Variants in WDR37 observed in about 807,000 individuals in gnomAD.
WDR37 encodes WD repeat domain 37.
Under a neutral mutation model 62.9 loss-of-function variants are expected in WDR37, and 19 were observed. The ratio of observed to expected loss-of-function variants is 0.30; its 90% CI spans 0.21 to 0.44. The LOEUF (loss-of-function observed/expected upper bound fraction) is 0.44, where lower values mean the gene tolerates loss of function less well. WDR37 is among the 20% of genes least tolerant of loss of function. The pLI, the probability that WDR37 is intolerant of heterozygous loss-of-function variation, is 1.00. For missense variants in WDR37, 474 were observed against 657.6 expected (o/e 0.72, Z 3.05); for synonymous variants, 250 against 260.9 (o/e 0.96, Z 0.40).
intron 11 of WDR37, among the ~76,000 whole-genome samples, chr10:1,112,521 A>G (rs569681447): frequency 6.5e-4 from 99 of 152,358 alleles, no homozygotes; most frequent in African/African-American, 2.1e-3. Flanking sequence ...AAAGCTGGAA[A>G]TGACGAAGCT....
chr10:1,101,711 C>T lies in WDR37; in HGVS notation c.727-1891C>T, dbSNP rs535489202. The stretch of plus-strand genomic sequence containing the variant: ...CTCCCGGGATTACAGGAGCTGTTCC[C>T]GACTTTGCCTCCCGTAGCTGTTCCG... On this transcript the variant is annotated intron_variant, in intron 9 of 13. Coordinates refer to ENST00000263150, the MANE Select transcript of WDR37 (RefSeq NM_014023.4). 8.5e-5 allele frequency among the ~76,000 whole-genome samples: 13 copies of T among 152,286 alleles called. No homozygotes were observed. In the East Asian group the frequency reaches 1.7e-3, roughly 20 times the overall value.
intron 2 of WDR37, among the ~76,000 whole-genome samples, chr10:1,076,505 A>G (rs1238129759): frequency 6.6e-6 from 1 of 151,674 alleles, no homozygotes; most frequent in African/African-American, 2.4e-5. Context: ...CTGTGAAACC[A>G]TGTCTTAACT....
intron 5 of WDR37, among the ~76,000 whole-genome samples, chr10:1,083,720 T>C (rs1033060008): frequency 6.6e-6 from 1 of 152,252 alleles, no homozygotes; most frequent in Non-Finnish European, 1.5e-5. Context: ...ACGATGCCTT[T>C]CTGTGGTCCG....
chr10:1,070,608 A>G (rs1404701488), intron 1 of WDR37, among the ~76,000 whole-genome samples: 1 of 152,212 alleles, frequency 6.6e-6, no homozygotes, highest in Admixed American at 6.5e-5. Flanking sequence ...ATTTTCTCTT[A>G]GAAAAATATT....
intron 1 of WDR37, among the ~76,000 whole-genome samples, chr10:1,062,150 A>G (rs1833390354): frequency 6.6e-6 from 1 of 152,200 alleles, no homozygotes; most frequent in African/African-American, 2.4e-5. Flanking sequence ...TCCAGTATGA[A>G]AAAATCTGTA....
chr10:1,066,379 G>C (rs920658053), intron 1 of WDR37, among the ~76,000 whole-genome samples: 10 of 152,208 alleles, frequency 6.6e-5, no homozygotes, highest in Non-Finnish European at 1.5e-4. Flanking sequence ...ACCTCCCAAA[G>C]TGCTGGGATT....
chr10:1,098,581 T>G (rs1426098220), intron 9 of WDR37, among the ~76,000 whole-genome samples: 3 of 152,170 alleles, frequency 2.0e-5, no homozygotes, highest in African/African-American at 7.2e-5. Context: ...CTCCTCGGCC[T>G]CCCAAAGTGC....
At chr10:1,074,044 G>A (rs1376513738) in intron 2 of WDR37, among the ~76,000 whole-genome samples, 1 of 152,212 alleles carries the variant, frequency 6.6e-6, no homozygotes, top group African/African-American at 2.4e-5. Flanking sequence ...CACCAGTCAC[G>A]TGGCTGCTGA....
chr10:1,110,051 G>A lies in WDR37; in HGVS notation c.1103+4784G>A, dbSNP rs560800044. 7.2e-5 allele frequency among the ~76,000 whole-genome samples: 11 copies of A among 152,308 alleles called. No homozygotes were observed. In the South Asian group the frequency reaches 1.0e-3, roughly 14 times the overall value. The stretch of plus-strand genomic sequence containing the variant: ...TGCCCGGGCCATGCTTACTCAGATC[G>A]TTTACGCTTTCTTTTTTCTTACTCA... On this transcript the variant is annotated intron_variant, in intron 11 of 13. Transcript: ENST00000263150.
At chr10:1,057,390 C>T (rs1401871203) in intron 1 of WDR37, among the ~76,000 whole-genome samples, 1 of 151,826 alleles carries the variant, frequency 6.6e-6, no homozygotes, top group Non-Finnish European at 1.5e-5. Context: ...CTGGGCATCC[C>T]GGGGAAGTGC....
intron 11 of WDR37, among the ~76,000 whole-genome samples, chr10:1,113,456 AT>A (rs1280782654): frequency 6.6e-6 from 1 of 152,186 alleles, no homozygotes; most frequent in African/African-American, 2.4e-5. Context: ...GAGTCTTATT[AT>A]TTAAAAAATA....
intron 1 of WDR37, among the ~76,000 whole-genome samples, chr10:1,067,141 A>G (rs2131608891): frequency 6.6e-6 from 1 of 152,290 alleles, no homozygotes; most frequent in East Asian, 1.9e-4. Context: ...AACCCCACAC[A>G]AGTACAGTGA....
At chr10:1,088,929 A>G (rs1050566637) in intron 7 of WDR37, among the ~76,000 whole-genome samples, 19 of 152,124 alleles carry the variant, frequency 1.2e-4, no homozygotes, top group African/African-American at 4.3e-4. Context: ...ACGCATAGTC[A>G]TTTCTGTTCT....
chr10:1,122,249 G>A (rs1490663410), intron 11 of WDR37, among the ~76,000 whole-genome samples: 4 of 152,128 alleles, frequency 2.6e-5, no homozygotes, highest in Non-Finnish European at 4.4e-5. Flanking sequence ...GATTTGTGAC[G>A]ACAAGAGGAC....
At chr10:1,104,451 C>G (rs1458276067) in intron 10 of WDR37, among the ~76,000 whole-genome samples, 1 of 152,254 alleles carries the variant, frequency 6.6e-6, no homozygotes, top group African/African-American at 2.4e-5. Flanking sequence ...AGCTCCCCTG[C>G]TGCTCTGAAC....
chr10:1,126,392 C>A (rs187050709), intron 13 of WDR37, among the ~76,000 whole-genome samples: 3,612 of 141,210 alleles, frequency 0.026, 73 homozygotes, highest in Non-Finnish European at 0.036. Context: ...GGCGACAGAG[C>A]GAGACTGTGT....
chr10:1,067,290 G>T (rs1361936157), intron 1 of WDR37, among the ~76,000 whole-genome samples: 3 of 152,164 alleles, frequency 2.0e-5, no homozygotes, highest in East Asian at 3.8e-4. Context: ...TTATAAAAAG[G>T]TCAGTACCAT....
Position 1,086,423 on chromosome 10 carries a change from G to A in WDR37, c.604+66G>A, listed in dbSNP as rs528516344. ...CCTTCTCCAGTGTGTTTTTAAAATC[G>A]TGCATGATAAAGCCAGCTGCTACTG... is the stretch of plus-strand genomic sequence containing the variant. On this transcript the variant is annotated intron_variant, in intron 7 of 13. Coordinates refer to ENST00000263150, the MANE Select transcript of WDR37 (RefSeq NM_014023.4). The A allele has an allele frequency of 2.2e-5, 30 of 1,346,226 alleles. No individual in the cohort carries two copies. In the East Asian group the frequency reaches 4.2e-4, roughly 19 times the overall value. 83.4% of individuals were successfully genotyped at this position (1,346,226 alleles called of 1,614,324 possible).
chr10:1,064,165 T>C (rs1373569082), intron 1 of WDR37, among the ~76,000 whole-genome samples: 2 of 152,092 alleles, frequency 1.3e-5, no homozygotes, highest in East Asian at 3.8e-4. Flanking sequence ...GTGAAATAAA[T>C]TCAGTGGATG....
Sources: allele counts gnomAD v4.1 joint callset (sites outside exome capture counted in the v4.1 genomes callset), GRCh38; gene constraint gnomAD v4.1.1; transcripts MANE v1.5; gene names NCBI Gene and HGNC (gene_info 2026-07-23, HGNC 2026-07-21).